MGA: variants seen among roughly 807,000 people sequenced by gnomAD.
MGA encodes the protein MAX dimerization protein MGA.
Under a neutral mutation model 261.1 loss-of-function variants are expected in MGA, and 40 were observed. That is an observed-to-expected ratio of 0.15 (90% CI 0.12 to 0.20). The LOEUF (loss-of-function observed/expected upper bound fraction) is 0.20. Among genes scored for constraint, MGA ranks in the 10% least tolerant of loss-of-function variants. The pLI is 1.00. For missense variants in MGA, 3,397 were observed against 3,630.5 expected (o/e 0.94, Z 1.65); for synonymous variants, 1,302 against 1,290.6 (o/e 1.01, Z -0.19).
chr15:41,661,045 T>C (rs917507033), intron 1 of MGA, among the ~76,000 whole-genome samples: 2 of 152,216 alleles, frequency 1.3e-5, no homozygotes, highest in Non-Finnish European at 2.9e-5. Flanking sequence ...TGTGCAAACG[T>C]CTTTTCTAAC....
At position 41,711,052 on chromosome 15, in the gene MGA, C is replaced by T. The variant is rs749287358; in HGVS notation, c.2787C>T (p.Tyr929=). 18 of 1,613,906 alleles carry T rather than the reference C, an allele frequency of 1.1e-5. No homozygotes were observed. The highest frequency in any genetic ancestry group is 1.0e-5 in the Non-Finnish European group (12 of 1,179,906). The change falls in exon 8 of 24, where the codon TAC becomes TAT. Residue 929 remains tyrosine (Y), a synonymous_variant. Transcript: ENST00000219905. Reference sequence around the variant, plus strand: ...ACCCTGTTTCACCAAAGCAGAAATACTCTCATGTGATTCTAGGAGATAAGG... The same window carrying T: ...ACCCTGTTTCACCAAAGCAGAAATATTCTCATGTGATTCTAGGAGATAAGG...
chr15:41,718,320 T>TACAC (rs1555424434), intron 9 of MGA: 42 of 239,086 alleles, frequency 1.8e-4, no homozygotes, highest in African/African-American at 9.0e-4. Context: ...TATATATATA[T>TACAC]ACATATATAT....
chr15:41,736,005 T>C (rs868865635), intron 12 of MGA, among the ~76,000 whole-genome samples, 176 bp from the exon 13 acceptor site: 1 of 152,232 alleles, frequency 6.6e-6, no homozygotes, highest in Non-Finnish European at 1.5e-5. Context: ...TGTAGTCTTA[T>C]TCTCTGGAAC....
intron 1 of MGA, among the ~76,000 whole-genome samples, chr15:41,664,033 T>G (rs2057576691): frequency 6.6e-6 from 1 of 152,240 alleles, no homozygotes; most frequent in African/African-American, 2.4e-5. Context: ...CTTAAACCAG[T>G]AGCTGTTATG....
chr15:41,716,105 T>C (rs956396904), intron 9 of MGA, among the ~76,000 whole-genome samples: 15 of 152,046 alleles, frequency 9.9e-5, no homozygotes, highest in Non-Finnish European at 4.4e-5. Context: ...AAGCTTGCTA[T>C]TCCCTATCTA....
intron 1 of MGA, among the ~76,000 whole-genome samples, chr15:41,624,259 AT>A (rs2056389154): frequency 7.2e-6 from 1 of 138,624 alleles, no homozygotes; most frequent in Non-Finnish European, 1.6e-5. Flanking sequence ...TTTTAATTTT[AT>A]TTTTTGAGAT....
At chr15:41,693,408 G>A (rs2059394742) in intron 2 of MGA, among the ~76,000 whole-genome samples, 1 of 148,784 alleles carries the variant, frequency 6.7e-6, no homozygotes, top group African/African-American at 2.5e-5. Flanking sequence ...AATATGCGGT[G>A]TTTGGTTTTT....
intron 2 of MGA, among the ~76,000 whole-genome samples, chr15:41,676,853 C>T (rs549778902): frequency 6.6e-6 from 1 of 152,146 alleles, no homozygotes; most frequent in South Asian, 2.1e-4. Context: ...AGTACATGAG[C>T]CTGCTGATTT....
rs1450972917 is a variant in MGA at position 41,698,836 on chromosome 15, C to G, written c.2014-27C>G. On this transcript the variant is annotated intron_variant, in intron 3 of 23. Transcript: ENST00000219905. ...AAGTTTTCAGAAGCAATATGAACTA[C>G]TATTTTTTTTTTTTTTTGATGTATA... 3 of 1,341,736 alleles carry G rather than the reference C, an allele frequency of 2.2e-6. No homozygotes were observed. The African/African-American group carries it at 4.6e-5, about 20-fold the overall frequency. 83.1% of individuals were successfully genotyped at this position (1,341,736 alleles called of 1,614,324 possible). A position where few individuals can be genotyped will look rare whatever the true frequency, so the allele number is the denominator to read the frequency against.
chr15:41,735,229 G>A (rs1406021059), intron 12 of MGA, among the ~76,000 whole-genome samples: 1 of 152,130 alleles, frequency 6.6e-6, no homozygotes. Flanking sequence ...GATTATGGGG[G>A]CCCTTGACAT....
At position 41,718,299 on chromosome 15, in the gene MGA, G is replaced by GTA. The variant is rs556672274; in HGVS notation, c.3430+4804_3430+4805insAT. On this transcript the variant is annotated intron_variant, in intron 9 of 23. Coordinates refer to ENST00000219905, the MANE Select transcript of MGA (RefSeq NM_001164273.2). ...TAGTGTATATGTAGTGTGTGTGTGT[G>GTA]TGTATATATATATATATATATACAT... 161 of 215,798 alleles carry GTA rather than the reference G, an allele frequency of 7.5e-4. No individual in the cohort carries two copies. The South Asian group carries it at 8.1e-3, about 11-fold the overall frequency. The allele number at this position is 215,798 out of a possible 1,614,324, so 13.4% of individuals were successfully genotyped here. A position where few individuals can be genotyped will look rare whatever the true frequency, so the allele number is the denominator to read the frequency against.
At chr15:41,720,954 T>A (rs2060907796) in intron 9 of MGA, among the ~76,000 whole-genome samples, 1 of 152,202 alleles carries the variant, frequency 6.6e-6, no homozygotes, top group African/African-American at 2.4e-5. Context: ...TTATTGTACA[T>A]CCGTATGGGA....
intron 8 of MGA, among the ~76,000 whole-genome samples, chr15:41,711,901 A>T (rs2060406860): frequency 6.6e-6 from 1 of 151,974 alleles, no homozygotes; most frequent in Non-Finnish European, 1.5e-5. Context: ...TCGCCATGTT[A>T]GTTAGACTGG....
chr15:41,727,032 G>A (rs2061286275), intron 9 of MGA, 148 bp from the exon 10 acceptor site: 1 of 597,456 alleles, frequency 1.7e-6, no homozygotes, highest in Non-Finnish European at 2.9e-6. Flanking sequence ...ACCACTAAAT[G>A]CCCTTTGTTT....
Position 41,736,491 on chromosome 15 carries a change from T to C in MGA, c.4227T>C (p.Ala1409=). Reference sequence around the variant, plus strand: ...CATGTCAAGACCAAGATGATATGGCTGAGAAATCTGGATCAGAGACTCCTG... The same window carrying C: ...CATGTCAAGACCAAGATGATATGGCCGAGAAATCTGGATCAGAGACTCCTG... Residue 1409 remains alanine (A), a synonymous_variant, in exon 13 of 24, where the codon GCT becomes GCC. Transcript: ENST00000219905. 1 of 1,614,034 alleles carries C rather than the reference T, an allele frequency of 6.2e-7. No individual in the cohort carries two copies. The highest frequency in any genetic ancestry group is 8.5e-7 in the Non-Finnish European group (1 of 1,179,902).
intron 17 of MGA, 85 bp downstream of exon 17, chr15:41,750,700 A>C: frequency 7.9e-7 from 1 of 1,271,590 alleles, no homozygotes; most frequent in Non-Finnish European, 1.1e-6. Context: ...AAGAGCACTA[A>C]GGCATAATAC....
At chr15:41,650,146 T>C (rs2057012455) in intron 1 of MGA, among the ~76,000 whole-genome samples, 1 of 152,218 alleles carries the variant, frequency 6.6e-6, no homozygotes, top group Non-Finnish European at 1.5e-5. Flanking sequence ...TCATTGAGTA[T>C]TGGTTATCTG....
At chr15:41,755,076 T>TC (rs753764560) in intron 18 of MGA, among the ~76,000 whole-genome samples, 9 of 152,338 alleles carry the variant, frequency 5.9e-5, no homozygotes, top group Non-Finnish European at 1.2e-4. Context: ...AAATTTTTCT[T>TC]CCTGTTTCAC....
intron 1 of MGA, among the ~76,000 whole-genome samples, chr15:41,641,015 T>A (rs541728696): frequency 6.6e-6 from 1 of 152,342 alleles, no homozygotes; most frequent in East Asian, 1.9e-4. Flanking sequence ...TTCCCAGGCC[T>A]AGGTGACTAT....
Sources: gnomAD v4.1 joint callset for allele counts (sites outside exome capture counted in the v4.1 genomes callset) on GRCh38, gnomAD v4.1.1 for gene constraint, MANE v1.5 for transcripts, NCBI Gene and HGNC (gene_info 2026-07-23, HGNC 2026-07-21) for gene names.